The following LUZP1 variants were observed in gnomAD, a reference collection of about 807,000 sequenced individuals.
LUZP1 encodes filamin mechanobinding actin cross-linking protein.
Under a neutral mutation model 71.3 loss-of-function variants are expected in LUZP1, and 25 were observed. That is an observed-to-expected ratio of 0.35 (90% CI 0.26 to 0.49). The LOEUF (loss-of-function observed/expected upper bound fraction) is 0.49. LUZP1 is among the 20% of genes least tolerant of loss of function. The probability of loss-of-function intolerance (pLI) is 0.99; values close to 1 mark genes in which losing one functional copy is unlikely to be tolerated. For synonymous variants in LUZP1, 481 were observed against 506.4 expected, an observed-to-expected ratio of 0.95 and a Z score of 0.67; for missense variants, 1,142 against 1,300.8, an observed-to-expected ratio of 0.88 and a Z score of 1.88.
At chr1:23,159,106 TGAG>T (rs1326205285) in intron 2 of LUZP1, among the ~76,000 whole-genome samples, 1 of 151,792 alleles carries the variant, frequency 6.6e-6, no homozygotes, top group African/African-American at 2.4e-5. Context: ...TTTGGGAGGC[TGAG>T]GAGGGCGGAT....
chr1:23,116,178 C>T (rs974888151), intron 2 of LUZP1, among the ~76,000 whole-genome samples: 1 of 151,582 alleles, frequency 6.6e-6, no homozygotes, highest in Non-Finnish European at 1.5e-5. Context: ...CTCAGGAGAT[C>T]GAGACCAGCC....
intron 2 of LUZP1, among the ~76,000 whole-genome samples, chr1:23,141,816 A>T (rs979826036): frequency 6.6e-6 from 1 of 151,134 alleles, no homozygotes; most frequent in Non-Finnish European, 1.5e-5. Context: ...GGCAGCTGGG[A>T]CCACAGGCAT....
chr1:23,148,890 G>A lies in LUZP1; in HGVS notation c.-226+19876C>T, dbSNP rs573009368. Among the ~76,000 whole-genome samples, 176 of 151,684 alleles carry A rather than the reference G, an allele frequency of 1.2e-3. 1 individual carries two copies. Among genetic ancestry groups the A allele is most frequent in the African/African-American group, 4.0e-3 (164 of 41,392 alleles). ...ACTTGATCCCAGGAGTTCAAGACCA[G>A]CCTAGGAAACACAGACCAATCTCTA... is the stretch of plus-strand genomic sequence containing the variant. On this transcript the variant is annotated intron_variant, in intron 2 of 4. Coordinates refer to ENST00000302291, the Ensembl canonical transcript of LUZP1.
At chr1:23,168,772 G>C (rs1039398912) in exon 2 of LUZP1, 2 of 152,512 alleles carry the variant, frequency 1.3e-5, no homozygotes, top group Non-Finnish European at 2.9e-5. Context: ...TCACCTCTGC[G>C]GCCCCGAACC....
chr1:23,168,205 G>C (rs1209274143), intron 2 of LUZP1, among the ~76,000 whole-genome samples: 1 of 126,920 alleles, frequency 7.9e-6, no homozygotes, highest in Non-Finnish European at 1.7e-5. Flanking sequence ...CCCGCACGCC[G>C]GCCCGACGCG....
intron 2 of LUZP1, among the ~76,000 whole-genome samples, chr1:23,127,939 T>C (rs574042295): frequency 6.6e-6 from 1 of 152,262 alleles, no homozygotes; most frequent in African/African-American, 2.4e-5. Context: ...GAGACCAGCC[T>C]GACCAACATG....
rs9426814 is a variant in LUZP1, at chr1:23,171,787, T to A, written c.-484-2763A>T. On this transcript the variant is annotated intron_variant, in intron 1 of 4. Transcript: ENST00000302291. ...CTGGAGGCAAAGGAAGGGCCTTTACTGAGTTGCTCCTAAGGGCTAATGCTG... is the reference window on the plus strand; with the variant it reads ...CTGGAGGCAAAGGAAGGGCCTTTACAGAGTTGCTCCTAAGGGCTAATGCTG... 5.7e-3 allele frequency among the ~76,000 whole-genome samples: 875 copies of A among 152,384 alleles called. 5 individuals carry two copies. Among genetic ancestry groups the A allele is most frequent in the Admixed American group, 0.011 (168 of 15,306 alleles).
intron 2 of LUZP1, among the ~76,000 whole-genome samples, chr1:23,155,415 A>G (rs894662929): frequency 1.3e-5 from 2 of 152,242 alleles, no homozygotes; most frequent in Non-Finnish European, 2.9e-5. Flanking sequence ...CTCAAGGTCA[A>G]ATCCTAGCTT....
chr1:23,146,852 C>T (rs1331400085), intron 2 of LUZP1, among the ~76,000 whole-genome samples: 1 of 151,860 alleles, frequency 6.6e-6, no homozygotes, highest in Admixed American at 6.6e-5. Flanking sequence ...AATCCCAGCA[C>T]TTTGGGAGGC....
At chr1:23,168,386 G>T (rs1333608399) in intron 2 of LUZP1, among the ~76,000 whole-genome samples, 2 of 41,094 alleles carry the variant, frequency 4.9e-5, no homozygotes, top group East Asian at 2.2e-3. Context: ...CTCTACCCCC[G>T]AAACTCTTCG....
intron 2 of LUZP1, among the ~76,000 whole-genome samples, chr1:23,145,272 C>A (rs9426690): frequency 0.33 from 49,693 of 151,888 alleles, 8,530 homozygotes; most frequent in East Asian, 0.45. Flanking sequence ...ACAAGACTTA[C>A]TATAACAGAC....
exon 4 of LUZP1, chr1:23,092,780 T>C (rs1283757458): frequency 3.1e-6 from 5 of 1,613,628 alleles, no homozygotes; most frequent in Non-Finnish European, 4.2e-6. Context: ...TCTCGGTGCC[T>C]GGCTTGGAAG....
intron 2 of LUZP1, among the ~76,000 whole-genome samples, chr1:23,120,599 C>T (rs1644122615): frequency 6.6e-6 from 1 of 152,042 alleles, no homozygotes; most frequent in African/African-American, 2.4e-5. Flanking sequence ...CTCAAACGAT[C>T]CTCTTCTCTC....
At chr1:23,121,099 C>A (rs1236025188) in intron 2 of LUZP1, among the ~76,000 whole-genome samples, 2 of 152,188 alleles carry the variant, frequency 1.3e-5, no homozygotes, top group Non-Finnish European at 2.9e-5. Context: ...TTATAAGCTG[C>A]TGGCTTATAT....
At chr1:23,101,574 A>G (rs1039635519) in intron 3 of LUZP1, among the ~76,000 whole-genome samples, 1 of 152,236 alleles carries the variant, frequency 6.6e-6, no homozygotes, top group Non-Finnish European at 1.5e-5. Context: ...AAGCACTTTG[A>G]AAAGTCCTAT....
intron 3 of LUZP1, among the ~76,000 whole-genome samples, chr1:23,098,897 G>C (rs1643910964): frequency 6.6e-6 from 1 of 152,110 alleles, no homozygotes; most frequent in South Asian, 2.1e-4. Flanking sequence ...TATAAGCCTA[G>C]AACCACCAGA....
intron 3 of LUZP1, among the ~76,000 whole-genome samples, chr1:23,108,329 A>C (rs1262467336): frequency 6.6e-6 from 1 of 152,220 alleles, no homozygotes; most frequent in African/African-American, 2.4e-5. Context: ...AAAATAACCC[A>C]CTAGGGTGGT....
intron 1 of LUZP1, among the ~76,000 whole-genome samples, chr1:23,173,350 C>CTTTTTTTTTTTTTTTTTTTTTTTT (rs869169060): frequency 5.0e-5 from 4 of 80,360 alleles, no homozygotes; most frequent in Non-Finnish European, 9.6e-5. Context: ...TTTGTTTTTT[C>CTTTTTTTTTTTTTTTTTTTTTTTT]TTTTTTTTTT....
At chr1:23,144,981 A>T (rs1476989921) in intron 2 of LUZP1, among the ~76,000 whole-genome samples, 1 of 151,620 alleles carries the variant, frequency 6.6e-6, no homozygotes, top group Non-Finnish European at 1.5e-5. Context: ...CTGCAGCCTC[A>T]ACCTCCCAGA....
Sources: allele counts gnomAD v4.1 joint callset (sites outside exome capture counted in the v4.1 genomes callset), GRCh38; gene constraint gnomAD v4.1.1; transcripts MANE v1.5; gene names NCBI Gene and HGNC (gene_info 2026-07-23, HGNC 2026-07-21).